Variants in MELTF observed in about 807,000 individuals in gnomAD.
The protein encoded by MELTF is melanotransferrin.
Under a neutral mutation model 83.7 loss-of-function variants are expected in MELTF, and 67 were observed. The observed-to-expected ratio is 0.80, with a 90% CI of 0.66 to 0.98. The LOEUF (loss-of-function observed/expected upper bound fraction) is 0.98. Ranked by LOEUF, MELTF falls within the 50% of genes least tolerant of loss-of-function variation. MELTF has a pLI of 0.00. For synonymous variants in MELTF, 462 were observed against 447.6 expected (o/e 1.03, Z -0.41); for missense variants, 1,002 against 1,035.6 (o/e 0.97, Z 0.44).
chr3:197,009,672 C>G lies in MELTF; in HGVS notation c.1471G>C (p.Gly491Arg). ...ATGAAGCCTCTCTGAATAAGGGCACCCACGGGGACATCCCAGCCTGCAGGG... is the reference window on the plus strand; with the variant it reads ...ATGAAGCCTCTCTGAATAAGGGCACGCACGGGGACATCCCAGCCTGCAGGG... Reference protein sequence around the residue: ...GSPAGWDVPVGALIQRGFIRP... With the variant: ...GSPAGWDVPVRALIQRGFIRP... Residue 491 changes from glycine to arginine, a missense_variant, in exon 11 of 16, where the codon GGT becomes CGT. By Grantham distance (125) the Gly-to-Arg change is moderately radical (BLOSUM62 -2). Transcript: ENST00000296350. The G allele has an allele frequency of 1.9e-6, 3 of 1,613,874 alleles. No individual in the cohort carries two copies. The highest frequency in any genetic ancestry group is 2.5e-6 in the Non-Finnish European group (3 of 1,180,024).
chr3:197,025,327 C>T (rs1210125075), intron 3 of MELTF, among the ~76,000 whole-genome samples: 3 of 152,230 alleles, frequency 2.0e-5, no homozygotes, highest in Admixed American at 1.3e-4. Flanking sequence ...CCCCCGCCAA[C>T]CTGAGTAGCT....
rs1332745543 is a variant in MELTF, at chr3:197,003,391, A to T, written c.2198T>A (p.Leu733Gln). Residue 733 changes from leucine (L) to glutamine (Q), a missense_variant, in exon 16 of 16, where the codon CTG (leucine) becomes CAG (glutamine). Coordinates refer to ENST00000296350, the MANE Select transcript of MELTF (RefSeq NM_005929.6). The surrounding 1 kb of genome is among the most constrained non-coding windows in gnomAD (Gnocchi z 6.2). Reference sequence around the variant, plus strand: ...CCGGGCTCAGAGGGCGGGCGGGAGCAGGCGGGCGGCGAGGGCGGGCAGCAG... The same window carrying T: ...CCGGGCTCAGAGGGCGGGCGGGAGCTGGCGGGCGGCGAGGGCGGGCAGCAG... ...PLLLPALAAR[L>Q]LPPAL 6.6e-6 allele frequency: 7 copies of T among 1,057,130 alleles called. No homozygotes were observed. The highest frequency in any genetic ancestry group is 8.0e-6 in the Non-Finnish European group (7 of 878,528). The allele number at this position is 1,057,130 out of a possible 1,614,324, so 65.5% of individuals were successfully genotyped here. A position where few individuals can be genotyped will look rare whatever the true frequency, so the allele number is the denominator to read the frequency against.
chr3:197,026,712 C>T lies in MELTF; in HGVS notation c.252G>A (p.Glu84=). 1 of 1,613,484 alleles carries T rather than the reference C, an allele frequency of 6.2e-7. No homozygotes were observed. Among genetic ancestry groups the T allele is most frequent in the Non-Finnish European group, 8.5e-7 (1 of 1,180,028 alleles). ...GCTTCAGGCCGTGCTCCTTTCCCGC[C>T]TCATAGATGGCTCCTCCATCCAGAG... is the stretch of plus-strand genomic sequence containing the variant. ...AITLDGGAIY[E]AGKEHGLKPV... The change falls in exon 3 of 16, where the codon GAG becomes GAA. Residue 84 remains glutamate (E), a synonymous_variant. Transcript: ENST00000296350.
chr3:197,003,802 C>T lies in MELTF; in HGVS notation c.2137+99G>A, dbSNP rs911079086. 41 of 1,338,722 alleles carry T rather than the reference C, an allele frequency of 3.1e-5. No homozygotes were observed. Among genetic ancestry groups the T allele is most frequent in the Non-Finnish European group, 3.9e-5 (38 of 974,750 alleles). 82.9% of individuals were successfully genotyped at this position (1,338,722 alleles called of 1,614,324 possible). A position where few individuals can be genotyped will look rare whatever the true frequency, so the allele number is the denominator to read the frequency against. ...TGGACTGCTGCGAACGGGCCTCCAC[C>T]CGCCTCCCCGGACCCGCAGCGCCCC... On this transcript the variant is annotated intron_variant, in intron 15 of 15. Coordinates refer to ENST00000296350, the MANE Select transcript of MELTF (RefSeq NM_005929.6). This position sits in a 1 kb window ranked among gnomAD's most constrained non-coding sequence, Gnocchi z 6.2.
chr3:197,019,554 A>C (rs781544547), intron 6 of MELTF: 2 of 1,564,802 alleles, frequency 1.3e-6, no homozygotes, highest in East Asian at 2.3e-5. Context: ...CCTGGGCAAC[A>C]TGGTGAGACC....
chr3:197,019,626 C>T (rs1274230856), intron 6 of MELTF: 2 of 1,609,852 alleles, frequency 1.2e-6, no homozygotes, highest in Non-Finnish European at 1.7e-6. Context: ...TATCCCTACT[C>T]TTTGCCCGTT....
intron 4 of MELTF, chr3:197,023,832 C>T (rs1367115955): frequency 2.2e-6 from 1 of 456,448 alleles, no homozygotes; most frequent in African/African-American, 2.0e-5. Context: ...CTTCCAGGCT[C>T]TCGCGGGTTT....
rs143694424 is a variant in MELTF at position 197,026,686 on chromosome 3, G to A, written c.278C>T (p.Pro93Leu). 1.6e-4 allele frequency: 260 copies of A among 1,613,454 alleles called. No individual in the cohort carries two copies. The highest frequency in any genetic ancestry group is 3.6e-4 in the African/African-American group (27 of 75,070). Residue 93 changes from proline to leucine, a missense_variant, in exon 3 of 16, where the codon CCG becomes CTG. Pro to Leu is a moderately conservative substitution (Grantham distance 98, BLOSUM62 -3). Coordinates refer to ENST00000296350, the MANE Select transcript of MELTF (RefSeq NM_005929.6). ...YEAGKEHGLKPVVGEVYDQEV... is the reference protein window; with the variant it reads ...YEAGKEHGLKLVVGEVYDQEV... Reference sequence around the variant, plus strand: ...TTGATCGTACACTTCGCCCACCACCGGCTTCAGGCCGTGCTCCTTTCCCGC... The same window carrying A: ...TTGATCGTACACTTCGCCCACCACCAGCTTCAGGCCGTGCTCCTTTCCCGC...
chr3:197,010,705 GTGCTCCCCGGCTGCGGGAA>G lies in MELTF; in HGVS notation c.1304_1322del (p.Val435AlafsTer17), dbSNP rs779444722. 49 of 1,612,874 alleles carry G rather than the reference GTGCTCCCCGGCTGCGGGAA, an allele frequency of 3.0e-5. No individual in the cohort carries two copies. The highest frequency in any genetic ancestry group is 3.7e-5 in the Non-Finnish European group (44 of 1,179,866). On this transcript the variant is annotated frameshift_variant, in exon 10 of 16. Transcript: ENST00000296350. LOFTEE classifies it high-confidence loss of function. Reference sequence around the variant, plus strand: ...GGCAGGCCCTGCACTCACGGGCATAGTGCTCCCCGGCTGCGGGAACCAGGCCGTACGTCTTCCCCGCCGT... The same window carrying G: ...GGCAGGCCCTGCACTCACGGGCATAGCCAGGCCGTACGTCTTCCCCGCCGT...
At chr3:197,017,334 TG>T (rs1719421208) in intron 6 of MELTF, 44 bp from the exon 7 acceptor site, 1 of 1,465,626 alleles carries the variant, frequency 6.8e-7, no homozygotes, top group Non-Finnish European at 9.1e-7. Flanking sequence ...CGAAAGGGGT[TG>T]GGGCGGGTGG....
At position 197,008,805 on chromosome 3, in the gene MELTF, G is replaced by C. The variant is rs1278549611; in HGVS notation, c.1682+4C>G. ...AGCCCCAGACTGCCAGGCCACCCGG[G>C]TACCTGAAGGCGCCGCGGTAGCCGT... On this transcript the variant is annotated splice_donor_region_variant and intron_variant, in intron 12 of 15. Coordinates refer to ENST00000296350, the MANE Select transcript of MELTF (RefSeq NM_005929.6). The surrounding 1 kb of genome is among the most constrained non-coding windows in gnomAD (Gnocchi z 5.4). The C allele has an allele frequency of 6.2e-7, 1 of 1,613,946 alleles. No individual in the cohort carries two copies. The highest frequency in any genetic ancestry group is 1.7e-5 in the Admixed American group (1 of 59,994).
At position 197,024,375 on chromosome 3, in the gene MELTF, C is replaced by T; in HGVS notation, c.415G>A (p.Gly139Ser). Residue 139 changes from glycine to serine, a missense_variant, in exon 4 of 16, where the codon GGC (glycine) becomes AGC (serine). By Grantham distance (56) the Gly-to-Ser change is moderately conservative. Transcript: ENST00000296350. This position sits in a 1 kb window ranked among gnomAD's most constrained non-coding sequence, Gnocchi z 5.3. ...AGGTAGCCCACGGGCACGTTCCAGCCCACTGTGCGATTGATGCCCGTGTGG... is the reference window on the plus strand; with the variant it reads ...AGGTAGCCCACGGGCACGTTCCAGCTCACTGTGCGATTGATGCCCGTGTGG... Reference protein sequence around the residue: ...SCHTGINRTVGWNVPVGYLVE... With the variant: ...SCHTGINRTVSWNVPVGYLVE... The T allele has an allele frequency of 1.2e-6, 2 of 1,609,644 alleles. No homozygotes were observed. The highest frequency in any genetic ancestry group is 1.1e-5 in the South Asian group (1 of 90,896).
At chr3:197,012,944 TTCTA>T (rs1253442951) in intron 9 of MELTF, among the ~76,000 whole-genome samples, 6 of 152,248 alleles carry the variant, frequency 3.9e-5, no homozygotes, top group Non-Finnish European at 8.8e-5. Flanking sequence ...ATTTTTAAAT[TTCTA>T]TCTGAAAGAA....
At chr3:197,018,412 A>G (rs754820340) in intron 6 of MELTF, among the ~76,000 whole-genome samples, 1 of 150,034 alleles carries the variant, frequency 6.7e-6, no homozygotes, top group Non-Finnish European at 1.5e-5. Context: ...CGGCCTCCCA[A>G]AGTGCTGGGA....
intron 6 of MELTF, among the ~76,000 whole-genome samples, chr3:197,018,352 T>C (rs919682606): frequency 4.6e-5 from 7 of 151,836 alleles, no homozygotes; most frequent in South Asian, 4.1e-4. Context: ...GGGGTTTTAC[T>C]GTGTTAGCCA....
intron 8 of MELTF, 145 bp from the exon 9 acceptor site, chr3:197,015,661 A>C: frequency 2.1e-6 from 2 of 949,588 alleles, no homozygotes; most frequent in Non-Finnish European, 3.1e-6. Context: ...CCACTTCCTC[A>C]CACAGAAAAG....
rs17129219 is a variant in MELTF, at chr3:197,008,816, C to T, written c.1675G>A (p.Ala559Thr). Residue 559 changes from alanine (A) to threonine (T), a missense_variant, in exon 12 of 16, where the codon GCC becomes ACC. Coordinates refer to ENST00000296350, the MANE Select transcript of MELTF (RefSeq NM_005929.6). The surrounding 1 kb of genome is among the most constrained non-coding windows in gnomAD (Gnocchi z 5.4). ...GCCAGGCCACCCGGGTACCTGAAGG[C>T]GCCGCGGTAGCCGTAATACCGCTCC... The part of the protein sequence containing the change: ...SQERYYGYRG[A>T]FRCLVENAGD... 6.6e-3 allele frequency: 10,695 copies of T among 1,614,104 alleles called. 233 individuals carry two copies. Among genetic ancestry groups the T allele is most frequent in the South Asian group, 0.05 (4,577 of 91,076 alleles).
Position 197,029,559 on chromosome 3 carries a change from A to G in MELTF, c.49+95T>C. ...CCCCGTCTCACTGCCCCGGAGCCGC[A>G]GGCTCAGGCACATTTCCAGCCCCGG... On this transcript the variant is annotated intron_variant, in intron 1 of 15. Coordinates refer to ENST00000296350, the MANE Select transcript of MELTF (RefSeq NM_005929.6). The surrounding 1 kb of genome is among the most constrained non-coding windows in gnomAD (Gnocchi z 6.5). The G allele has an allele frequency of 9.6e-7, 1 of 1,039,802 alleles. No individual in the cohort carries two copies. Among genetic ancestry groups the G allele is most frequent in the Non-Finnish European group, 1.2e-6 (1 of 812,756 alleles). 64.4% of individuals were successfully genotyped at this position (1,039,802 alleles called of 1,614,324 possible). A position where few individuals can be genotyped will look rare whatever the true frequency, so the allele number is the denominator to read the frequency against.
intron 9 of MELTF, among the ~76,000 whole-genome samples, chr3:197,014,786 C>G (rs1252887106): frequency 6.6e-6 from 1 of 152,188 alleles, no homozygotes; most frequent in Non-Finnish European, 1.5e-5. Flanking sequence ...GACGATATTG[C>G]ATGTTCTCCA....
Sources: allele counts gnomAD v4.1 joint callset (sites outside exome capture counted in the v4.1 genomes callset), GRCh38; gene constraint gnomAD v4.1.1; non-coding constraint Gnocchi (gnomAD v3.1); transcripts MANE v1.5; gene names NCBI Gene and HGNC (gene_info 2026-07-23, HGNC 2026-07-21).